Variants in SLC2A14 observed in about 807,000 individuals in gnomAD.
The protein encoded by SLC2A14 is solute carrier family 2 member 14.
Under a neutral mutation model 43.0 loss-of-function variants are expected in SLC2A14, and 13 were observed. That is an observed-to-expected ratio of 0.30 (90% CI 0.20 to 0.48). The LOEUF (loss-of-function observed/expected upper bound fraction) is 0.48, where lower values mean the gene tolerates loss of function less well. Ranked by LOEUF, SLC2A14 falls within the 20% of genes least tolerant of loss-of-function variation. The pLI, the probability that SLC2A14 is intolerant of heterozygous loss-of-function variation, is 0.99. For synonymous variants in SLC2A14, 190 were observed against 233.8 expected, an observed-to-expected ratio of 0.81 and a Z score of 1.71; for missense variants, 428 against 620.4, an observed-to-expected ratio of 0.69 and a Z score of 3.29.
At chr12:7,821,599 C>CT (rs1309928442) in intron 7 of SLC2A14, among the ~76,000 whole-genome samples, 1 of 152,270 alleles carries the variant, frequency 6.6e-6, no homozygotes, top group African/African-American at 2.4e-5. Flanking sequence ...GAACAAGACT[C>CT]TGTCACCATA....
At position 7,884,144 on chromosome 12, in the gene SLC2A14, T is replaced by C. The variant is rs373357110; in HGVS notation, c.132+6852A>G. Among the ~76,000 whole-genome samples, 488 of 151,872 alleles carry C rather than the reference T, an allele frequency of 3.2e-3. 5 individuals are homozygous for C. Among genetic ancestry groups the C allele is most frequent in the Non-Finnish European group, 5.7e-3 (388 of 67,920 alleles). On this transcript the variant is annotated intron_variant, in intron 1 of 9. Coordinates refer to the SLC2A14 transcript ENST00000539924. ...TTCACCATGTTAGCCAGGATGGTCT[T>C]GATCTGACCTCGTGATCTGCCCGCC...
chr12:7,833,896 G>A (rs958020812), intron 2 of SLC2A14, among the ~76,000 whole-genome samples: 1 of 151,988 alleles, frequency 6.6e-6, no homozygotes, highest in Non-Finnish European at 1.5e-5. Context: ...TTTCCACCTT[G>A]GGGCAGCTCA....
rs753626848 is a variant in SLC2A14, at chr12:7,828,819, C to T, written c.561G>A (p.Val187=). The T allele has an allele frequency of 1.2e-6, 2 of 1,614,038 alleles. No individual in the cohort carries two copies. Among genetic ancestry groups the T allele is most frequent in the Admixed American group, 1.7e-5 (1 of 59,988 alleles). Residue 187 remains valine (V), a synonymous_variant, in exon 6 of 11, where the codon GTG becomes GTA. Coordinates refer to ENST00000431042, the MANE Select transcript of SLC2A14 (RefSeq NM_001286234.2). ...LILGSEELWP[V]LLGFTILPAI... ...CTGGAAGGATGGTAAAGCCTAATAG[C>T]ACCGGCCATAGCTCTTCAGACCCAA...
At chr12:7,891,012 C>T in exon 1 of SLC2A14, 1 of 1,534,982 alleles carries the variant, frequency 6.5e-7, no homozygotes, top group Non-Finnish European at 8.7e-7. Flanking sequence ...CCCGACGCCC[C>T]CATTCTGACT....
intron 6 of SLC2A14, among the ~76,000 whole-genome samples, 170 bp downstream of exon 6, chr12:7,828,534 A>G (rs775442579): frequency 1.8e-4 from 28 of 152,052 alleles, no homozygotes; most frequent in Non-Finnish European, 3.5e-4. Context: ...GGGCAACAGC[A>G]TGAGATTCTG....
chr12:7,831,461 G>T, intron 4 of SLC2A14, 143 bp downstream of exon 4: 1 of 1,258,134 alleles, frequency 7.9e-7, no homozygotes, highest in Non-Finnish European at 1.1e-6. Flanking sequence ...AGTCATATTC[G>T]GGGCCAGTTG....
intron 10 of SLC2A14, 149 bp from the exon 11 acceptor site, chr12:7,814,683 T>TATGA: frequency 1.1e-6 from 1 of 917,564 alleles, no homozygotes; most frequent in Non-Finnish European, 1.6e-6. Flanking sequence ...GAGATTTACT[T>TATGA]ATGATTCTAT....
chr12:7,820,912 C>A (rs1432585539), intron 8 of SLC2A14, among the ~76,000 whole-genome samples: 2 of 152,012 alleles, frequency 1.3e-5, no homozygotes, highest in Admixed American at 1.3e-4. Context: ...CATGGCGAAA[C>A]CCCGTCTCTA....
chr12:7,865,635 T>C (rs1419281214), intron 2 of SLC2A14, among the ~76,000 whole-genome samples: 2 of 152,128 alleles, frequency 1.3e-5, no homozygotes, highest in African/African-American at 2.4e-5. Context: ...ATTCCCCATT[T>C]CTCTCTCCTT....
At chr12:7,890,256 G>C (rs748579458) in intron 1 of SLC2A14, among the ~76,000 whole-genome samples, 4 of 152,026 alleles carry the variant, frequency 2.6e-5, no homozygotes, top group East Asian at 1.9e-4. Flanking sequence ...CGTGTTCTCT[G>C]CCACAACTCC....
rs987551564 is a variant in SLC2A14, at chr12:7,831,258, T to G, written c.272+346A>C. The stretch of plus-strand genomic sequence containing the variant: ...TATATGAGACCCCAGTTTTGTTTTT[T>G]TTTTTTTTGAGAAAAGTAATCAACT... On this transcript the variant is annotated intron_variant, in intron 4 of 10. Coordinates refer to ENST00000431042, the MANE Select transcript of SLC2A14 (RefSeq NM_001286234.2). 2.4e-3 allele frequency: 467 copies of G among 197,080 alleles called. 1 individual carries two copies. The highest frequency in any genetic ancestry group is 0.01 in the African/African-American group (442 of 43,402). 12.2% of individuals were successfully genotyped at this position (197,080 alleles called of 1,614,324 possible).
chr12:7,824,035 C>T (rs1186928306), intron 7 of SLC2A14, among the ~76,000 whole-genome samples: 2 of 152,110 alleles, frequency 1.3e-5, no homozygotes, highest in East Asian at 3.9e-4. Flanking sequence ...GTGAGTGGAT[C>T]ATCTGAGGTC....
chr12:7,823,170 G>A (rs1864070486), intron 7 of SLC2A14, among the ~76,000 whole-genome samples: 1 of 152,042 alleles, frequency 6.6e-6, no homozygotes, highest in Non-Finnish European at 1.5e-5. Flanking sequence ...ATAACCTGAG[G>A]TCAGGAGTTC....
Position 7,828,698 on chromosome 12 carries a change from A to G in SLC2A14, c.676+6T>C. 6.2e-7 allele frequency: 1 copy of G among 1,613,544 alleles called. No homozygotes were observed. Among genetic ancestry groups the G allele is most frequent in the Non-Finnish European group, 8.5e-7 (1 of 1,179,564 alleles). On this transcript the variant is annotated splice_donor_region_variant and intron_variant, in intron 6 of 10. Coordinates refer to ENST00000431042, the MANE Select transcript of SLC2A14 (RefSeq NM_001286234.2). ...CTTTGTATACTAAAGAGTGAAAGATACTCACTCCGCGTAGCATTCTCCTCT... is the reference window on the plus strand; with the variant it reads ...CTTTGTATACTAAAGAGTGAAAGATGCTCACTCCGCGTAGCATTCTCCTCT...
chr12:7,890,980 A>C, intron 1 of SLC2A14: 1 of 1,533,264 alleles, frequency 6.5e-7, no homozygotes, highest in South Asian at 1.2e-5. Flanking sequence ...AGCATGATCT[A>C]TCTAGTTCCA....
At chr12:7,867,722 G>A (rs1180517663) in intron 2 of SLC2A14, among the ~76,000 whole-genome samples, 5 of 151,792 alleles carry the variant, frequency 3.3e-5, no homozygotes, top group Admixed American at 6.6e-5. Flanking sequence ...GCGTGCGCCT[G>A]TAGTCCCAGC....
intron 7 of SLC2A14, among the ~76,000 whole-genome samples, chr12:7,826,986 T>TTC (rs34824750): frequency 0.77 from 81,628 of 106,434 alleles, 34,018 homozygotes; most frequent in East Asian, 0.85. Flanking sequence ...TTTCTCTCCT[T>TTC]TCTCTCTTTC....
At position 7,867,737 on chromosome 12, in the gene SLC2A14, C is replaced by T. The variant is rs867878548; in HGVS notation, c.18+2126G>A. Among the ~76,000 whole-genome samples the T allele has an allele frequency of 7.3e-5, 11 of 150,806 alleles. No individual in the cohort carries two copies. The Middle Eastern group carries it at 0.014, about 189-fold the overall frequency. ...GCGTGCGCCTGTAGTCCCAGCTACTCGGGAGGCTGAGGCAGAAGAATCACT... is the reference window on the plus strand; with the variant it reads ...GCGTGCGCCTGTAGTCCCAGCTACTTGGGAGGCTGAGGCAGAAGAATCACT... On this transcript the variant is annotated intron_variant, in intron 2 of 10. Transcript: ENST00000431042.
upstream of SLC2A14, among the ~76,000 whole-genome samples, chr12:7,874,774 T>TAA (rs1366071198): frequency 1.2e-3 from 6 of 5,122 alleles, no homozygotes; most frequent in South Asian, 0.024. Flanking sequence ...TATATAAACA[T>TAA]ATATAAATAT....
Sources: gnomAD v4.1 joint callset for allele counts (sites outside exome capture counted in the v4.1 genomes callset) on GRCh38, gnomAD v4.1.1 for gene constraint, MANE v1.5 for transcripts, NCBI Gene and HGNC (gene_info 2026-07-23, HGNC 2026-07-21) for gene names.